The following USP30 variants were observed in gnomAD, a reference collection of about 807,000 sequenced individuals.
USP30 encodes the protein ubiquitin carboxyl-terminal hydrolase 30.
A neutral mutation model predicts 68.2 loss-of-function variants in USP30; 41 were observed. The observed-to-expected ratio is 0.60, with a 90% CI of 0.47 to 0.78. USP30 has a LOEUF of 0.78. USP30 is among the 30% of genes least tolerant of loss of function. USP30 has a pLI of 0.00. For synonymous variants in USP30, 229 were observed against 253.7 expected, an observed-to-expected ratio of 0.90 and a Z score of 0.93; for missense variants, 522 against 649.4, an observed-to-expected ratio of 0.80 and a Z score of 2.13.
chr12:109,067,452 A>T lies in USP30; in HGVS notation c.377-72A>T, dbSNP rs1391647583. 9 of 1,352,402 alleles carry T rather than the reference A, an allele frequency of 6.7e-6. No individual in the cohort carries two copies. In the Admixed American group the frequency reaches 1.5e-4, roughly 23 times the overall value. The allele number at this position is 1,352,402 out of a possible 1,614,324, so 83.8% of individuals were successfully genotyped here. On this transcript the variant is annotated intron_variant, in intron 3 of 12. Coordinates refer to ENST00000257548, the MANE Select transcript of USP30 (RefSeq NM_032663.5). ...AATTTTTAATTAACTTTGATATGTT[A>T]TACTGTGCAAGTTTTCTGGTTAGTT...
At chr12:109,081,204 T>C in intron 7 of USP30, 130 bp from the exon 8 acceptor site, 1 of 786,146 alleles carries the variant, frequency 1.3e-6, no homozygotes, top group East Asian at 2.6e-5. Flanking sequence ...TTATTCTAAG[T>C]ACATTATATT....
In USP30 at chr12:109,070,065, A is replaced by G. The variant is rs1593271861; in HGVS notation, c.481-1547A>G. On this transcript the variant is annotated intron_variant, in intron 4 of 12. Transcript: ENST00000257548. The surrounding 1 kb of genome is among the most constrained non-coding windows in gnomAD (Gnocchi z 4.0). ...GAGGCTGCGGGCGGCATCAGCTTCT[A>G]TTGTGTTTGCAGCGGGGAGCCACTA... is the stretch of plus-strand genomic sequence containing the variant. Among the ~76,000 whole-genome samples the G allele has an allele frequency of 6.6e-6, 1 of 151,954 alleles. No homozygotes were observed. Among genetic ancestry groups the G allele is most frequent in the African/African-American group, 2.4e-5 (1 of 41,344 alleles).
At chr12:109,071,194 G>A (rs940670906) in intron 4 of USP30, among the ~76,000 whole-genome samples, 6 of 152,208 alleles carry the variant, frequency 3.9e-5, no homozygotes, top group African/African-American at 9.7e-5. Flanking sequence ...TTCTGAAGAT[G>A]GATGGCAGTG....
chr12:109,074,625 T>C (rs995219861), intron 7 of USP30, among the ~76,000 whole-genome samples: 5 of 152,176 alleles, frequency 3.3e-5, no homozygotes, highest in Non-Finnish European at 7.4e-5. Flanking sequence ...TGTGGCTTTT[T>C]CCCCCAGTTT....
chr12:109,051,727 G>A (rs1409988863), upstream of USP30, among the ~76,000 whole-genome samples: 1 of 150,850 alleles, frequency 6.6e-6, no homozygotes, highest in Non-Finnish European at 1.5e-5. Context: ...CTGCCACCAC[G>A]CCCGGCTAAT....
At chr12:109,024,672 T>G (rs917747763) in intron 1 of USP30, 1 of 151,842 alleles carries the variant, frequency 6.6e-6, no homozygotes, top group Non-Finnish European at 1.5e-5. Context: ...CAGGCTGGAG[T>G]GCAGTGGCGC....
rs2041846380 is a variant in USP30, at chr12:109,082,957, A to C, written c.1063A>C (p.Lys355Gln). The C allele has an allele frequency of 6.2e-7, 1 of 1,614,120 alleles. No individual in the cohort carries two copies. The highest frequency in any genetic ancestry group is 1.7e-5 in the Admixed American group (1 of 60,014). Residue 355 changes from lysine to glutamine, a missense_variant, in exon 11 of 13, where the codon AAG (lysine) becomes CAG (glutamine). By Grantham distance (53) the Lys-to-Gln change is moderately conservative. Coordinates refer to ENST00000257548, the MANE Select transcript of USP30 (RefSeq NM_032663.5). ...FNEFLMMDIY[K>Q]YHLLGHKPSQ... Reference sequence around the variant, plus strand: ...TGAGTTCCTGATGATGGACATTTACAAGTACCACCTCCTTGGACATAAACC... The same window carrying C: ...TGAGTTCCTGATGATGGACATTTACCAGTACCACCTCCTTGGACATAAACC...
chr12:109,040,897 G>A (rs1355216911), intron 3 of USP30, among the ~76,000 whole-genome samples: 1 of 152,190 alleles, frequency 6.6e-6, no homozygotes, highest in African/African-American at 2.4e-5. Flanking sequence ...TCAGAACATG[G>A]GGGATCATTG....
Position 109,085,695 on chromosome 12 carries a change from G to A in USP30, c.1318G>A (p.Ala440Thr). The change falls in exon 13 of 13, where the codon GCA (alanine) becomes ACA (threonine). Residue 440 changes from alanine to threonine, a missense_variant. Ala to Thr is a moderately conservative substitution (Grantham distance 58). Coordinates refer to ENST00000257548, the MANE Select transcript of USP30 (RefSeq NM_032663.5). The stretch of plus-strand genomic sequence containing the variant: ...CTCCACATACCTCTTCCGGCTGATG[G>A]CAGTTGTCGTCCACCATGGAGACAT... ...SSSTYLFRLMAVVVHHGDMHS... is the reference protein window; with the variant it reads ...SSSTYLFRLMTVVVHHGDMHS... 6.2e-7 allele frequency: 1 copy of A among 1,614,150 alleles called. No individual in the cohort carries two copies. Among genetic ancestry groups the A allele is most frequent in the African/African-American group, 1.3e-5 (1 of 75,042 alleles).
intron 3 of USP30, among the ~76,000 whole-genome samples, chr12:109,031,079 A>C (rs1036654411): frequency 2.0e-5 from 3 of 152,224 alleles, no homozygotes; most frequent in Non-Finnish European, 4.4e-5. Flanking sequence ...CCAAAATAAA[A>C]AGTTTAATTT....
intron 1 of USP30, among the ~76,000 whole-genome samples, chr12:109,055,297 G>A (rs1441546130): frequency 7.0e-6 from 1 of 142,224 alleles, no homozygotes; most frequent in Non-Finnish European, 1.5e-5. Flanking sequence ...TTCTAAAAGA[G>A]AAATTCATTT....
chr12:109,073,398 G>A, intron 6 of USP30, 40 bp from the exon 7 acceptor site: 1 of 1,425,150 alleles, frequency 7.0e-7, no homozygotes. Flanking sequence ...TGGTGCCAAA[G>A]GGCTAAAAGT....
chr12:109,024,215 G>A (rs998947968), intron 1 of USP30, among the ~76,000 whole-genome samples: 7 of 152,110 alleles, frequency 4.6e-5, no homozygotes, highest in Non-Finnish European at 1.0e-4. Flanking sequence ...ACACTTGGAT[G>A]GCACATAATA....
Position 109,081,979 on chromosome 12 carries a change from C to A in USP30, c.827C>A (p.Ser276Ter), listed in dbSNP as rs780108568. 8 of 1,614,266 alleles carry A rather than the reference C, an allele frequency of 5.0e-6. No homozygotes were observed. The highest frequency in any genetic ancestry group is 6.8e-6 in the Non-Finnish European group (8 of 1,180,054). ...LDHCLHHFIS[S>*]ESVRDVVCDN... ...CACTGCCTTCACCACTTCATCTCAT[C>A]AGAATCAGTGCGGGATGTTGTGTGT... The change falls in exon 9 of 13, where the codon TCA (serine) becomes TAA (stop). Residue 276 changes from serine to a stop codon, truncating the protein, a stop_gained. Transcript: ENST00000257548. LOFTEE classifies it high-confidence loss of function.
chr12:109,080,102 C>G (rs957782390), intron 7 of USP30, among the ~76,000 whole-genome samples: 7 of 152,200 alleles, frequency 4.6e-5, no homozygotes, highest in African/African-American at 1.7e-4. Flanking sequence ...GCCAGGCTCC[C>G]TGGAGTTTCC....
chr12:109,039,105 A>T (rs949814318), intron 3 of USP30, among the ~76,000 whole-genome samples: 3 of 152,086 alleles, frequency 2.0e-5, no homozygotes, highest in African/African-American at 7.2e-5. Context: ...TTTTGATTAG[A>T]TCCAATGTAT....
At chr12:109,023,682 G>A (rs1489437193) in intron 1 of USP30, among the ~76,000 whole-genome samples, 1 of 128,842 alleles carries the variant, frequency 7.8e-6, no homozygotes, top group African/African-American at 2.9e-5. Context: ...CACCCAGGCT[G>A]GAGTGCAATG....
At chr12:109,055,379 C>CATATATATATATATATACAT (rs2040816632) in intron 1 of USP30, among the ~76,000 whole-genome samples, 1 of 58,950 alleles carries the variant, frequency 1.7e-5, no homozygotes, top group African/African-American at 6.9e-5. Context: ...CATATATATA[C>CATATATATATATATATACAT]ATATATATAT....
chr12:109,072,202 G>A, intron 5 of USP30, 103 bp from the exon 6 acceptor site: 2 of 983,338 alleles, frequency 2.0e-6, no homozygotes, highest in Non-Finnish European at 3.1e-6. Flanking sequence ...ATTTTTAGTG[G>A]TGTAATCAAC....
Sources: gnomAD v4.1 joint callset for allele counts (sites outside exome capture counted in the v4.1 genomes callset) on GRCh38, gnomAD v4.1.1 for gene constraint, Gnocchi (gnomAD v3.1) non-coding constraint, MANE v1.5 for transcripts, NCBI Gene and HGNC (gene_info 2026-07-23, HGNC 2026-07-21) for gene names.